SLC24A2: variants seen among roughly 807,000 people sequenced by gnomAD.
SLC24A2 encodes solute carrier family 24 member 2.
A neutral mutation model predicts 62.0 loss-of-function variants in SLC24A2; 36 were observed. The ratio of observed to expected loss-of-function variants is 0.58; its 90% CI spans 0.44 to 0.77. The LOEUF is 0.77. Among genes scored for constraint, SLC24A2 ranks in the 30% least tolerant of loss-of-function variants. The pLI, the probability that SLC24A2 is intolerant of heterozygous loss-of-function variation, is 0.00. For missense variants in SLC24A2, 846 were observed against 817.9 expected (o/e 1.03, Z -0.42); for synonymous variants, 358 against 294.0 (o/e 1.22, Z -2.23).
intron 4 of SLC24A2, among the ~76,000 whole-genome samples, chr9:19,602,008 CA>C (rs1836854942): frequency 6.6e-6 from 1 of 152,190 alleles, no homozygotes; most frequent in Admixed American, 6.5e-5. Flanking sequence ...CTTCAAAAAT[CA>C]GAGTGAACTT....
chr9:20,103,454 G>A, the SLC24A2 span, among the ~76,000 whole-genome samples: 2 of 152,172 alleles, frequency 1.3e-5, no homozygotes, highest in African/African-American at 2.4e-5. Flanking sequence ...CCCCCCAGCA[G>A]GGGCAGACTG....
At chr9:19,921,977 C>A in the SLC24A2 span, among the ~76,000 whole-genome samples, 1 of 152,190 alleles carries the variant, frequency 6.6e-6, no homozygotes, top group East Asian at 1.9e-4. Context: ...AAATGACGCT[C>A]CTTCCCAAGA....
intron 2 of SLC24A2, among the ~76,000 whole-genome samples, chr9:19,653,999 C>A (rs1818872078): frequency 6.6e-6 from 1 of 152,138 alleles, no homozygotes. Context: ...TGGCAAATGT[C>A]AAGGTCGTGT....
rs1311127991 is a variant in SLC24A2 at position 19,647,070 on chromosome 9, A to ACG, written c.931-24772_931-24771insCG. Among the ~76,000 whole-genome samples, 9 of 93,286 alleles carry ACG rather than the reference A, an allele frequency of 9.6e-5. 1 individual carries two copies. The highest frequency in any genetic ancestry group is 3.0e-4 in the African/African-American group (9 of 30,146). 61.2% of individuals were successfully genotyped at this position (93,286 alleles called of 152,430 possible). ...TTTCCACACACACACACACGCGCGC[A>ACG]CACACACACACACACACACACACAC... On this transcript the variant is annotated intron_variant, in intron 2 of 10. Coordinates refer to ENST00000341998, the MANE Select transcript of SLC24A2 (RefSeq NM_020344.4).
At chr9:19,770,520 T>C (rs1335188436) in intron 2 of SLC24A2, among the ~76,000 whole-genome samples, 1 of 152,212 alleles carries the variant, frequency 6.6e-6, no homozygotes, top group African/African-American at 2.4e-5. Context: ...TCTGCAGTTT[T>C]GTTCTAGCAT....
the SLC24A2 span, among the ~76,000 whole-genome samples, chr9:19,882,232 T>C: frequency 1.3e-3 from 189 of 148,374 alleles, no homozygotes; most frequent in Non-Finnish European, 2.3e-3. Flanking sequence ...AGTGCCCACC[T>C]CACCACACCC....
chr9:20,305,846 G>A, the SLC24A2 span, among the ~76,000 whole-genome samples: 1 of 152,134 alleles, frequency 6.6e-6, no homozygotes. Flanking sequence ...ATTTCTCACA[G>A]TCCCAGAGGC....
At chr9:20,033,877 G>A in the SLC24A2 span, among the ~76,000 whole-genome samples, 1 of 152,174 alleles carries the variant, frequency 6.6e-6, no homozygotes, top group Non-Finnish European at 1.5e-5. Flanking sequence ...TCTGCCTAGG[G>A]AATAGCCACC....
chr9:20,127,887 AT>A, the SLC24A2 span, among the ~76,000 whole-genome samples: 3 of 151,964 alleles, frequency 2.0e-5, no homozygotes, highest in Admixed American at 6.6e-5. Flanking sequence ...TTAACACCCA[AT>A]TTTTTTTCCC....
chr9:19,980,838 A>C, the SLC24A2 span, among the ~76,000 whole-genome samples: 2 of 152,192 alleles, frequency 1.3e-5, no homozygotes, highest in African/African-American at 4.8e-5. Flanking sequence ...CTAGCATGTC[A>C]TAAGTGCTTA....
chr9:19,541,460 C>T (rs1048980854), intron 8 of SLC24A2, among the ~76,000 whole-genome samples: 1 of 151,748 alleles, frequency 6.6e-6, no homozygotes, highest in Non-Finnish European at 1.5e-5. Flanking sequence ...TTGGAATACC[C>T]TGCAGTGTGA....
At chr9:19,842,369 G>T in the SLC24A2 span, among the ~76,000 whole-genome samples, 3 of 152,158 alleles carry the variant, frequency 2.0e-5, no homozygotes, top group Non-Finnish European at 4.4e-5. Context: ...AAGGTAGAAT[G>T]GCTTACTGAA....
At chr9:20,212,908 A>G in the SLC24A2 span, among the ~76,000 whole-genome samples, 1 of 151,798 alleles carries the variant, frequency 6.6e-6, no homozygotes, top group Non-Finnish European at 1.5e-5. Flanking sequence ...ATCCTCAGCA[A>G]TTCAATGCAG....
the SLC24A2 span, among the ~76,000 whole-genome samples, chr9:20,281,322 A>G: frequency 2.0e-5 from 3 of 152,218 alleles, no homozygotes; most frequent in African/African-American, 7.2e-5. Flanking sequence ...TATACTTTTT[A>G]TTGAAGTATA....
At chr9:20,077,352 G>A in the SLC24A2 span, among the ~76,000 whole-genome samples, 2 of 152,054 alleles carry the variant, frequency 1.3e-5, no homozygotes, top group African/African-American at 4.8e-5. Context: ...CTTCACTATA[G>A]TAACTATGTT....
At chr9:19,893,622 T>A in the SLC24A2 span, among the ~76,000 whole-genome samples, 58 of 152,198 alleles carry the variant, frequency 3.8e-4, no homozygotes, top group Non-Finnish European at 7.3e-4. Context: ...TATAAAAATA[T>A]ATGTTATTGT....
the SLC24A2 span, among the ~76,000 whole-genome samples, chr9:20,177,749 A>C: frequency 1.5e-4 from 23 of 152,194 alleles, no homozygotes; most frequent in African/African-American, 5.5e-4. Context: ...CAAGAAAACT[A>C]GTATCTATTG....
intron 8 of SLC24A2, among the ~76,000 whole-genome samples, chr9:19,533,891 C>G (rs1833826007): frequency 6.6e-6 from 1 of 152,214 alleles, no homozygotes; most frequent in Non-Finnish European, 1.5e-5. Flanking sequence ...TGGTTTCTTT[C>G]ATTTGGCATA....
At chr9:19,560,559 C>G (rs778958573) in intron 7 of SLC24A2, among the ~76,000 whole-genome samples, 1 of 152,160 alleles carries the variant, frequency 6.6e-6, no homozygotes, top group Non-Finnish European at 1.5e-5. Context: ...CAAACCAAAA[C>G]GGAAGCCCTT....
Sources: allele counts gnomAD v4.1 joint callset (sites outside exome capture counted in the v4.1 genomes callset), GRCh38; gene constraint gnomAD v4.1.1; transcripts MANE v1.5; gene names NCBI Gene and HGNC (gene_info 2026-07-23, HGNC 2026-07-21).